The following C8orf34 variants were observed in gnomAD, a reference collection of about 807,000 sequenced individuals.
C8orf34 encodes chromosome 8 open reading frame 34.
A neutral mutation model predicts 68.3 loss-of-function variants in C8orf34; 65 were observed. The observed-to-expected ratio is 0.95, with a 90% CI of 0.78 to 1.17. The LOEUF (loss-of-function observed/expected upper bound fraction) is 1.17. Ranked by LOEUF, C8orf34 falls within the 50% of genes most tolerant of loss-of-function variation. The probability of loss-of-function intolerance (pLI) is 0.00; values close to 1 mark genes in which losing one functional copy is unlikely to be tolerated. For synonymous variants in C8orf34, 244 were observed against 241.2 expected, an observed-to-expected ratio of 1.01 and a Z score of -0.11; for missense variants, 664 against 655.4, an observed-to-expected ratio of 1.01 and a Z score of -0.14.
At chr8:68,463,936 G>A (rs1811979045) in intron 3 of C8orf34, among the ~76,000 whole-genome samples, 2 of 152,128 alleles carry the variant, frequency 1.3e-5, no homozygotes, top group Non-Finnish European at 2.9e-5. Context: ...TGGAAGTTCT[G>A]GCCAGGGCAA....
At chr8:68,776,084 G>A (rs1297549461) in intron 10 of C8orf34, among the ~76,000 whole-genome samples, 1 of 152,174 alleles carries the variant, frequency 6.6e-6, no homozygotes, top group African/African-American at 2.4e-5. Context: ...GTTGATGGGT[G>A]CAGCAAACCA....
At chr8:68,794,476 A>ATATATATATATATATATATATAT (rs1563673872) in intron 12 of C8orf34, among the ~76,000 whole-genome samples, 1 of 111,668 alleles carries the variant, frequency 9.0e-6, no homozygotes, top group Non-Finnish European at 1.7e-5. Flanking sequence ...CCAGTATATA[A>ATATATATATATATATATATATAT]ATATAAATAT....
At chr8:68,574,879 G>A (rs569568270) in intron 7 of C8orf34, among the ~76,000 whole-genome samples, 6 of 151,740 alleles carry the variant, frequency 4.0e-5, no homozygotes, top group African/African-American at 1.2e-4. Context: ...CAGTAAACAT[G>A]TCTTCTTTAA....
chr8:68,813,894 T>C (rs1035799508), intron 12 of C8orf34, among the ~76,000 whole-genome samples: 1 of 152,214 alleles, frequency 6.6e-6, no homozygotes, highest in Admixed American at 6.5e-5. Flanking sequence ...TATAATTCCT[T>C]GCTTCTCAAA....
chr8:68,572,406 A>C (rs1207277553), intron 7 of C8orf34, among the ~76,000 whole-genome samples: 1 of 152,000 alleles, frequency 6.6e-6, no homozygotes, highest in Non-Finnish European at 1.5e-5. Flanking sequence ...ACTCCATATG[A>C]CATTCACACT....
intron 12 of C8orf34, among the ~76,000 whole-genome samples, chr8:68,788,072 G>A (rs909758765): frequency 2.6e-5 from 4 of 152,166 alleles, no homozygotes; most frequent in African/African-American, 7.2e-5. Flanking sequence ...CTAATGCCAT[G>A]GCTCAGTGCA....
At chr8:68,794,557 T>C (rs147275237) in intron 12 of C8orf34, among the ~76,000 whole-genome samples, 108 of 142,982 alleles carry the variant, frequency 7.6e-4, no homozygotes, top group African/African-American at 2.7e-3. Context: ...CAGGCTGGAC[T>C]GCAGTGGCAC....
intron 1 of C8orf34, among the ~76,000 whole-genome samples, chr8:68,359,899 A>G (rs1806911211): frequency 6.6e-6 from 1 of 152,176 alleles, no homozygotes; most frequent in Non-Finnish European, 1.5e-5. Flanking sequence ...CCAAGCTGGA[A>G]TCTACTCTAA....
intron 4 of C8orf34, among the ~76,000 whole-genome samples, chr8:68,474,535 A>G (rs1424415286): frequency 6.6e-6 from 1 of 152,176 alleles, no homozygotes; most frequent in Non-Finnish European, 1.5e-5. Flanking sequence ...AGAAAAAAAA[A>G]GAGGACAGCC....
chr8:68,764,095 T>G (rs1823100632), intron 10 of C8orf34, among the ~76,000 whole-genome samples: 1 of 152,196 alleles, frequency 6.6e-6, no homozygotes, highest in Non-Finnish European at 1.5e-5. Context: ...GTTTTGGGGA[T>G]ATGTGGACGA....
Position 68,595,038 on chromosome 8 carries a change from C to T in C8orf34, c.1106-45338C>T, listed in dbSNP as rs1817503059. Among the ~76,000 whole-genome samples the T allele has an allele frequency of 2.6e-5, 4 of 151,054 alleles. No homozygotes were observed. In the South Asian group the frequency reaches 8.3e-4, roughly 31 times the overall value. ...TAAGGCAAGTGTTTTTGCTTGCTCT[C>T]GCTCCCCTTTGAGTGCCCAACAGCA... On this transcript the variant is annotated intron_variant, in intron 7 of 13. Transcript: ENST00000518698.
chr8:68,527,277 C>T lies in C8orf34; in HGVS notation c.938+5306C>T, dbSNP rs569515984. Among the ~76,000 whole-genome samples, 3 of 152,212 alleles carry T rather than the reference C, an allele frequency of 2.0e-5. No individual in the cohort carries two copies. In the South Asian group the frequency reaches 6.2e-4, roughly 32 times the overall value. On this transcript the variant is annotated intron_variant, in intron 6 of 13. Coordinates refer to ENST00000518698, the MANE Select transcript of C8orf34 (RefSeq NM_052958.4). ...AACCCATTTCATCCTTATGAAAACA[C>T]TATTATTCAGAAATGAGAGGCCCGG... is the stretch of plus-strand genomic sequence containing the variant.
At chr8:68,461,372 A>G (rs1811815670) in intron 3 of C8orf34, among the ~76,000 whole-genome samples, 1 of 152,250 alleles carries the variant, frequency 6.6e-6, no homozygotes, top group Non-Finnish European at 1.5e-5. Flanking sequence ...ACTCTGCAGG[A>G]TATTATCCAG....
intron 7 of C8orf34, among the ~76,000 whole-genome samples, chr8:68,617,256 T>C (rs1328279188): frequency 6.6e-6 from 1 of 152,154 alleles, no homozygotes; most frequent in Non-Finnish European, 1.5e-5. Flanking sequence ...CCAGTCTGTG[T>C]TTTTAATTGG....
chr8:68,717,622 G>A (rs1161476360), intron 9 of C8orf34, among the ~76,000 whole-genome samples: 1 of 152,178 alleles, frequency 6.6e-6, no homozygotes, highest in East Asian at 1.9e-4. Flanking sequence ...ATTAAGTGGT[G>A]GGTTTGGGGT....
At chr8:68,429,100 TAAAGA>T (rs1455898464) in intron 1 of C8orf34, among the ~76,000 whole-genome samples, 1 of 152,072 alleles carries the variant, frequency 6.6e-6, no homozygotes, top group Non-Finnish European at 1.5e-5. Flanking sequence ...TTCATTAAAA[TAAAGA>T]ACTTTTGTTT....
At chr8:68,782,334 T>A (rs1459691474) in intron 11 of C8orf34, among the ~76,000 whole-genome samples, 10 of 152,060 alleles carry the variant, frequency 6.6e-5, no homozygotes, top group Non-Finnish European at 1.2e-4. Flanking sequence ...CTCAGCAAGA[T>A]CAAATTTAAT....
At chr8:68,401,861 T>TTG (rs34713905) in intron 1 of C8orf34, among the ~76,000 whole-genome samples, 18,440 of 148,606 alleles carry the variant, frequency 0.12, 1,251 homozygotes, top group African/African-American at 0.19. Context: ...CAGTTCTCTT[T>TTG]TGTGTGTGTG....
chr8:68,605,171 C>T (rs1817818583), intron 7 of C8orf34, among the ~76,000 whole-genome samples: 1 of 152,186 alleles, frequency 6.6e-6, no homozygotes, highest in Admixed American at 6.6e-5. Context: ...TTACTACACA[C>T]CTGTTAGAAG....
Sources: allele counts gnomAD v4.1 joint callset (sites outside exome capture counted in the v4.1 genomes callset), GRCh38; gene constraint gnomAD v4.1.1; transcripts MANE v1.5; gene names NCBI Gene and HGNC (gene_info 2026-07-23, HGNC 2026-07-21).